Variants in IGDCC4 observed in about 807,000 individuals in gnomAD.
IGDCC4 encodes likely ortholog of mouse neighbor of Punc E11.
IGDCC4 carries 72 observed loss-of-function variants against 116.6 expected under a neutral mutation model. That is an observed-to-expected ratio of 0.62 (90% confidence interval 0.51 to 0.75). IGDCC4 has a LOEUF of 0.75. Among genes scored for constraint, IGDCC4 ranks in the 30% least tolerant of loss-of-function variants. The pLI is 0.00. For missense variants in IGDCC4, 1,501 were observed against 1,662.4 expected (o/e 0.90, Z 1.69); for synonymous variants, 709 against 719.9 (o/e 0.98, Z 0.24).
intron 6 of IGDCC4, 53 bp from the exon 7 acceptor site, chr15:65,396,216 GCCC>G: frequency 8.4e-7 from 1 of 1,188,130 alleles, no homozygotes; most frequent in Non-Finnish European, 1.1e-6. Flanking sequence ...TAAGGTCTCT[GCCC>G]CCCCCCCAGT....
In IGDCC4 at chr15:65,384,485, C is replaced by A; in HGVS notation, c.3343-66G>T. On this transcript the variant is annotated intron_variant, in intron 19 of 19. Coordinates refer to ENST00000352385, the MANE Select transcript of IGDCC4 (RefSeq NM_020962.3). The surrounding 1 kb of genome is among the most constrained non-coding windows in gnomAD (Gnocchi z 4.9). ...TGAGAGTAATCATCAGAATGACCAG[C>A]GTACGTGGGGCAGAAAGTCTGACCC... 7.0e-7 allele frequency: 1 copy of A among 1,427,506 alleles called. No homozygotes were observed. Among genetic ancestry groups the A allele is most frequent in the Non-Finnish European group, 9.3e-7 (1 of 1,080,360 alleles). 88.4% of individuals were successfully genotyped at this position (1,427,506 alleles called of 1,614,324 possible). A position where few individuals can be genotyped will look rare whatever the true frequency, so the allele number is the denominator to read the frequency against.
intron 11 of IGDCC4, 40 bp from the exon 12 acceptor site, chr15:65,392,021 T>C (rs1411079147): frequency 6.4e-7 from 1 of 1,570,620 alleles, no homozygotes; most frequent in Non-Finnish European, 8.7e-7. Flanking sequence ...GGGGGACATC[T>C]GGGGTCACTC....
chr15:65,410,122 C>A, intron 3 of IGDCC4, 56 bp downstream of exon 3: 1 of 1,599,486 alleles, frequency 6.3e-7, no homozygotes. Flanking sequence ...TCTGAGCACA[C>A]CCCAGAGCCC....
chr15:65,415,196 G>C (rs1351316351), intron 1 of IGDCC4, among the ~76,000 whole-genome samples: 1 of 152,168 alleles, frequency 6.6e-6, no homozygotes, highest in Non-Finnish European at 1.5e-5. Flanking sequence ...GGGTTTCAGG[G>C]GAGAAAACCC....
chr15:65,397,025 C>A, intron 5 of IGDCC4, 36 bp from the exon 6 acceptor site: 1 of 1,560,460 alleles, frequency 6.4e-7, no homozygotes. Flanking sequence ...GGAGGGGACG[C>A]TAGGGACTGC....
At chr15:65,385,171 G>A (rs1418515586) in intron 18 of IGDCC4, 56 bp from the exon 19 acceptor site, 3 of 1,499,718 alleles carry the variant, frequency 2.0e-6, no homozygotes, top group Non-Finnish European at 2.6e-6. Flanking sequence ...GGCTGGGAGA[G>A]GGAAGCCCGG....
At chr15:65,401,330 C>T (rs544822620) in intron 4 of IGDCC4, among the ~76,000 whole-genome samples, 20 of 152,310 alleles carry the variant, frequency 1.3e-4, no homozygotes, top group African/African-American at 4.8e-4. Flanking sequence ...CACTGGGTGA[C>T]CTTTGGCAAA....
chr15:65,402,612 T>C, intron 3 of IGDCC4, 125 bp from the exon 4 acceptor site: 1 of 1,272,356 alleles, frequency 7.9e-7, no homozygotes, highest in Non-Finnish European at 1.1e-6. Flanking sequence ...CTCACGCCTA[T>C]AATCCCAGCA....
chr15:65,400,170 G>A (rs2062970482), intron 5 of IGDCC4, among the ~76,000 whole-genome samples: 1 of 152,234 alleles, frequency 6.6e-6, no homozygotes, highest in Non-Finnish European at 1.5e-5. Flanking sequence ...GCCCAGCACT[G>A]GCGTTACCCT....
intron 17 of IGDCC4, 130 bp downstream of exon 17, chr15:65,386,421 C>A: frequency 1.3e-6 from 1 of 791,688 alleles, no homozygotes; most frequent in South Asian, 1.5e-5. Flanking sequence ...TCCTTCATCC[C>A]AGAGTCCTGA....
At chr15:65,402,529 G>T in intron 3 of IGDCC4, 42 bp from the exon 4 acceptor site, 5 of 1,552,524 alleles carry the variant, frequency 3.2e-6, no homozygotes, top group Non-Finnish European at 2.6e-6. Context: ...TGGGCAGGGG[G>T]GCCACAGGGA....
At chr15:65,385,276 G>A (rs2091444189) in intron 18 of IGDCC4, among the ~76,000 whole-genome samples, 161 bp from the exon 19 acceptor site, 1 of 152,192 alleles carries the variant, frequency 6.6e-6, no homozygotes, top group Non-Finnish European at 1.5e-5. Context: ...GCATCGAAAG[G>A]GCTCAGAGTC....
chr15:65,410,946 T>C, intron 2 of IGDCC4, 74 bp downstream of exon 2: 6 of 1,220,110 alleles, frequency 4.9e-6, no homozygotes, highest in Non-Finnish European at 6.8e-6. Flanking sequence ...TGCAAGTAAC[T>C]AACTGCAGAT....
rs1376968663 is a variant in IGDCC4 at position 65,393,714 on chromosome 15, C to T, written c.1715-183G>A. Among the ~76,000 whole-genome samples the T allele has an allele frequency of 6.6e-6, 1 of 152,222 alleles. No individual in the cohort carries two copies. The highest frequency in any genetic ancestry group is 1.5e-5 in the Non-Finnish European group (1 of 68,042). ...ATGGCTCCAGGGTTGACGCTTGAGC[C>T]TCCAACTCTGGCTGATGCAGGCCAT... On this transcript the variant is annotated intron_variant, in intron 9 of 19. Coordinates refer to ENST00000352385, the MANE Select transcript of IGDCC4 (RefSeq NM_020962.3). This position sits in a 1 kb window ranked among gnomAD's most constrained non-coding sequence, Gnocchi z 4.6.
chr15:65,422,644 C>A, intron 1 of IGDCC4, 149 bp downstream of exon 1: 1 of 511,180 alleles, frequency 2.0e-6, no homozygotes, highest in Non-Finnish European at 2.9e-6. Context: ...TCGCAGACCC[C>A]CGCGCAGGCA....
intron 7 of IGDCC4, among the ~76,000 whole-genome samples, 156 bp downstream of exon 7, chr15:65,395,594 C>T (rs1017243875): frequency 6.6e-6 from 1 of 152,176 alleles, no homozygotes; most frequent in Non-Finnish European, 1.5e-5. Flanking sequence ...TCCATACCTA[C>T]CATACTTATG....
At chr15:65,396,799 C>T in intron 6 of IGDCC4, 35 bp downstream of exon 6, 1 of 1,549,002 alleles carries the variant, frequency 6.5e-7, no homozygotes, top group Non-Finnish European at 8.7e-7. Context: ...CCAGCCCCAG[C>T]TAACCCGCTC....
intron 5 of IGDCC4, among the ~76,000 whole-genome samples, chr15:65,399,563 G>T (rs1279717212): frequency 6.6e-6 from 1 of 150,868 alleles, no homozygotes; most frequent in Non-Finnish European, 1.5e-5. Context: ...CAGGAATTAA[G>T]AAATATTGAC....
rs370537773 is a variant in IGDCC4, at chr15:65,391,872, G to C, written c.2224+8C>G. 11 of 1,611,116 alleles carry C rather than the reference G, an allele frequency of 6.8e-6. No homozygotes were observed. Among genetic ancestry groups the C allele is most frequent in the Non-Finnish European group, 9.3e-6 (11 of 1,178,650 alleles). ...GCCCTCCCCGCCTTCTTCCCCCACCGCCCTCACCTGGTGCCGGCGCCTTCT... is the reference window on the plus strand; with the variant it reads ...GCCCTCCCCGCCTTCTTCCCCCACCCCCCTCACCTGGTGCCGGCGCCTTCT... On this transcript the variant is annotated splice_region_variant and intron_variant, in intron 12 of 19. Transcript: ENST00000352385.
Sources: allele counts gnomAD v4.1 joint callset (sites outside exome capture counted in the v4.1 genomes callset), GRCh38; gene constraint gnomAD v4.1.1; non-coding constraint Gnocchi (gnomAD v3.1); transcripts MANE v1.5; gene names NCBI Gene and HGNC (gene_info 2026-07-23, HGNC 2026-07-21).